Variants in ASRGL1 observed in about 807,000 individuals in gnomAD.
ASRGL1 encodes asparaginase and isoaspartyl peptidase 1, also known as isoaspartyl peptidase/L-asparaginase.
A neutral mutation model predicts 22.4 loss-of-function variants in ASRGL1; 16 were observed. That is an observed-to-expected ratio of 0.71 (90% CI 0.48 to 1.08). The LOEUF is 1.08. Among genes scored for constraint, ASRGL1 ranks in the 50% least tolerant of loss-of-function variants. The pLI is 0.00. For synonymous variants in ASRGL1, 165 were observed against 159.3 expected (o/e 1.04, Z -0.27); for missense variants, 412 against 410.1 (o/e 1.00, Z -0.04).
chr11:62,365,447 G>A (rs937175213), intron 4 of ASRGL1, among the ~76,000 whole-genome samples: 33 of 151,968 alleles, frequency 2.2e-4, no homozygotes, highest in Admixed American at 2.0e-3. Flanking sequence ...CCAGCTACTC[G>A]TGAGGCTGAG....
chr11:62,362,536 TATATAAA>T lies in ASRGL1; in HGVS notation c.491+5398_491+5404del, dbSNP rs1359831213. Among the ~76,000 whole-genome samples the T allele has an allele frequency of 6.1e-5, 3 of 49,554 alleles. No individual in the cohort carries two copies. The East Asian group carries it at 2.0e-3, about 33-fold the overall frequency. 32.5% of individuals were successfully genotyped at this position (49,554 alleles called of 152,430 possible). A position where few individuals can be genotyped will look rare whatever the true frequency, so the allele number is the denominator to read the frequency against. On this transcript the variant is annotated intron_variant, in intron 4 of 6. Coordinates refer to ENST00000415229, the MANE Select transcript of ASRGL1 (RefSeq NM_001083926.2). The stretch of plus-strand genomic sequence containing the variant: ...CATATATTATTTATATAATATATAT[TATATAAA>T]ATATATAACATATATTATTTATATA...
chr11:62,388,112 G>A (rs1035377120), intron 4 of ASRGL1, among the ~76,000 whole-genome samples: 2 of 152,156 alleles, frequency 1.3e-5, no homozygotes, highest in African/African-American at 4.8e-5. Flanking sequence ...TGACTGTCCT[G>A]AATCCTCTAG....
chr11:62,362,891 ATTTTTTTTTTTTTTTTTTTTTTTTTTTTT>A (rs60507577), intron 4 of ASRGL1, among the ~76,000 whole-genome samples: 1 of 50,366 alleles, frequency 2.0e-5, no homozygotes, highest in Non-Finnish European at 3.3e-5. Context: ...AAAGGATTTA[ATTTTTTTTTTTTTTTTTTTTTTTTTTTTT>A]TTTTTTTTTT....
At chr11:62,391,145 T>C (rs1456478635) in intron 5 of ASRGL1, among the ~76,000 whole-genome samples, 1 of 152,228 alleles carries the variant, frequency 6.6e-6, no homozygotes, top group Non-Finnish European at 1.5e-5. Context: ...ATGGCCTTGC[T>C]AGAGATCCAT....
chr11:62,389,191 A>G lies in ASRGL1; in HGVS notation c.550A>G (p.Thr184Ala), dbSNP rs1460914206. The G allele has an allele frequency of 4.3e-6, 7 of 1,613,944 alleles. No homozygotes were observed. The Admixed American group carries it at 5.0e-5, about 12-fold the overall frequency. ...CTGCAAAGGGAATGTAGCCTACGCA[A>G]CCTCCACAGGCGGTATCGTTAATAA... ...LDCKGNVAYATSTGGIVNKMV... is the reference protein window; with the variant it reads ...LDCKGNVAYAASTGGIVNKMV... Residue 184 changes from threonine to alanine, a missense_variant, in exon 5 of 7, where the codon ACC becomes GCC. Thr to Ala is a moderately conservative substitution (Grantham distance 58, BLOSUM62 0). Coordinates refer to ENST00000415229, the MANE Select transcript of ASRGL1 (RefSeq NM_001083926.2).
intron 4 of ASRGL1, among the ~76,000 whole-genome samples, chr11:62,376,177 C>CTT (rs779056201): frequency 4.1e-5 from 5 of 123,170 alleles, no homozygotes; most frequent in Non-Finnish European, 8.6e-5. Context: ...GTTCTCAAGG[C>CTT]TTTTTTTTTT....
intron 2 of ASRGL1, among the ~76,000 whole-genome samples, chr11:62,350,966 G>A (rs1370603694): frequency 1.3e-5 from 2 of 152,074 alleles, no homozygotes; most frequent in East Asian, 3.9e-4. Context: ...CCTATGGGTT[G>A]TTTGAGCATT....
chr11:62,363,930 G>A (rs796289663), intron 4 of ASRGL1, among the ~76,000 whole-genome samples: 34 of 152,190 alleles, frequency 2.2e-4, no homozygotes, highest in African/African-American at 7.9e-4. Flanking sequence ...GCCGAGGTGG[G>A]TGGATTGCCT....
chr11:62,353,875 C>CT, intron 2 of ASRGL1, among the ~76,000 whole-genome samples: 1 of 152,034 alleles, frequency 6.6e-6, no homozygotes, highest in Non-Finnish European at 1.5e-5. Context: ...AAAGGGATGC[C>CT]TTGTTATTGC....
intron 4 of ASRGL1, among the ~76,000 whole-genome samples, chr11:62,358,354 A>G (rs1946352745): frequency 7.3e-6 from 1 of 137,526 alleles, no homozygotes. Flanking sequence ...TGGGCAACAA[A>G]GCGAGACTCC....
At chr11:62,343,035 T>TG (rs1472203793) in intron 2 of ASRGL1, among the ~76,000 whole-genome samples, 1 of 152,160 alleles carries the variant, frequency 6.6e-6, no homozygotes, top group Non-Finnish European at 1.5e-5. Flanking sequence ...CTCCCTTAGG[T>TG]GAGTACCTGG....
chr11:62,360,481 A>G (rs1946406803), intron 4 of ASRGL1, among the ~76,000 whole-genome samples: 1 of 152,112 alleles, frequency 6.6e-6, no homozygotes, highest in African/African-American at 2.4e-5. Flanking sequence ...TAGAAAAAGA[A>G]TGCTATAAAG....
intron 4 of ASRGL1, among the ~76,000 whole-genome samples, chr11:62,385,976 A>G (rs1265521528): frequency 1.3e-5 from 2 of 152,122 alleles, no homozygotes; most frequent in African/African-American, 4.8e-5. Flanking sequence ...AGCCTGGCCA[A>G]CATAGTGAAA....
chr11:62,391,703 G>A (rs1015448870), intron 6 of ASRGL1, 71 bp downstream of exon 6: 41 of 1,488,418 alleles, frequency 2.8e-5, no homozygotes, highest in Admixed American at 1.6e-4. Flanking sequence ...ATAAGTAAGC[G>A]CATGGAGAAG....
chr11:62,338,941 A>AAAAAAC (rs1945799058), intron 2 of ASRGL1, among the ~76,000 whole-genome samples: 1 of 151,664 alleles, frequency 6.6e-6, no homozygotes, highest in Non-Finnish European at 1.5e-5. Context: ...TCAAAAAAAA[A>AAAAAAC]AAAAAAAACT....
chr11:62,346,376 C>T (rs1590706367), intron 2 of ASRGL1, among the ~76,000 whole-genome samples: 1 of 152,134 alleles, frequency 6.6e-6, no homozygotes. Flanking sequence ...GCACACCACC[C>T]TCCTGGCACC....
intron 4 of ASRGL1, among the ~76,000 whole-genome samples, chr11:62,386,957 A>G (rs555007559): frequency 2.6e-5 from 4 of 151,886 alleles, no homozygotes; most frequent in African/African-American, 7.2e-5. Context: ...CAATGGCACA[A>G]TCTCAGCTCA....
At chr11:62,386,908 T>C (rs1430581835) in intron 4 of ASRGL1, among the ~76,000 whole-genome samples, 2 of 150,778 alleles carry the variant, frequency 1.3e-5, no homozygotes, top group East Asian at 3.9e-4. Context: ...TTTTTTTTTT[T>C]CTGAGATGGA....
intron 4 of ASRGL1, chr11:62,371,045 G>GAA (rs112681053): frequency 2.7e-4 from 119 of 437,700 alleles, no homozygotes; most frequent in Non-Finnish European, 3.4e-4. Context: ...TCTGGGCCAG[G>GAA]AAAAAAAAAA....
Sources: gnomAD v4.1 joint callset for allele counts (sites outside exome capture counted in the v4.1 genomes callset) on GRCh38, gnomAD v4.1.1 for gene constraint, MANE v1.5 for transcripts, NCBI Gene and HGNC (gene_info 2026-07-23, HGNC 2026-07-21) for gene names.